Variants in BDP1 observed in about 807,000 individuals in gnomAD.
The protein encoded by BDP1 is BDP1 general transcription factor IIIB subunit, also known as transcription factor TFIIIB component B'' homolog.
A neutral mutation model predicts 266.6 loss-of-function variants in BDP1; 169 were observed. That is an observed-to-expected ratio of 0.63 (90% CI 0.56 to 0.72). BDP1 has a LOEUF of 0.72. Among genes scored for constraint, BDP1 ranks in the 30% least tolerant of loss-of-function variants. BDP1 has a pLI of 0.00. For missense variants in BDP1, 3,015 were observed against 3,053.8 expected, an observed-to-expected ratio of 0.99 and a Z score of 0.30; for synonymous variants, 1,090 against 1,022.4, an observed-to-expected ratio of 1.07 and a Z score of -1.26.
Position 71,509,602 on chromosome 5 carries a change from T to G in BDP1, c.2510T>G (p.Ile837Ser), listed in dbSNP as rs191127702. 2.6e-4 allele frequency: 420 copies of G among 1,613,906 alleles called. 3 individuals carry two copies. In the East Asian group the frequency reaches 4.1e-3, roughly 16 times the overall value. Residue 837 changes from isoleucine (I) to serine (S), a missense_variant, in exon 17 of 39, where the codon ATT (isoleucine) becomes AGT (serine). Transcript: ENST00000358731. ...TCAAAGGAAGAGGTACTAGAGAAGA[T>G]TCTTGTCTCTGGGGAAATGGCGGCA... is the stretch of plus-strand genomic sequence containing the variant. ...ISSKEEVLEK[I>S]LVSGEMAAAL...
rs1213678959 is a variant in BDP1, at chr5:71,537,168, AAAAAG to A, written c.5893-1871_5893-1867del. Among the ~76,000 whole-genome samples, 96 of 151,246 alleles carry A rather than the reference AAAAAG, an allele frequency of 6.3e-4. 1 individual carries two copies. In the South Asian group the frequency reaches 0.019, roughly 30 times the overall value. On this transcript the variant is annotated intron_variant, in intron 26 of 38. Transcript: ENST00000358731. Reference sequence around the variant, plus strand: ...AAAAACCAAAAAAAAAAAAAAAAAAAAAAAGAACCAGAACCAAACCATGGGAATAA... The same window carrying A: ...AAAAACCAAAAAAAAAAAAAAAAAAAAACCAGAACCAAACCATGGGAATAA...
intron 16 of BDP1, 80 bp from the exon 17 acceptor site, chr5:71,509,385 G>A: frequency 1.4e-6 from 2 of 1,421,202 alleles, no homozygotes; most frequent in Non-Finnish European, 1.9e-6. Context: ...TGGTGTTTCT[G>A]TAGTGATTTC....
At chr5:71,537,446 A>G (rs1456537238) in intron 26 of BDP1, among the ~76,000 whole-genome samples, 3 of 152,238 alleles carry the variant, frequency 2.0e-5, no homozygotes, top group Non-Finnish European at 4.4e-5. Flanking sequence ...TAGAGTTACT[A>G]AAAAACTTGC....
rs1321409626 is a variant in BDP1, at chr5:71,510,001, C to A, written c.2909C>A (p.Thr970Lys). ...AATGAGAGTTCCCCAAGGGAGAAGA[C>A]ACCAGAGGTGACTGATGCCACTGAG... ...TGNESSPREK[T>K]PEVTDATEEI... Residue 970 changes from threonine to lysine, a missense_variant, in exon 17 of 39, where the codon ACA becomes AAA. By Grantham distance (78) the Thr-to-Lys change is moderately conservative. Transcript: ENST00000358731. 2 of 1,613,896 alleles carry A rather than the reference C, an allele frequency of 1.2e-6. No individual in the cohort carries two copies. Among genetic ancestry groups the A allele is most frequent in the South Asian group, 2.2e-5 (2 of 91,066 alleles).
chr5:71,551,972 C>A (rs1266510670), intron 34 of BDP1, among the ~76,000 whole-genome samples: 1 of 149,742 alleles, frequency 6.7e-6, no homozygotes, highest in Non-Finnish European at 1.5e-5. Flanking sequence ...CACCTCCCTC[C>A]CGGACGGGGC....
rs143503378 is a variant in BDP1 at position 71,531,350 on chromosome 5, C to T, written c.5773-958C>T. The stretch of plus-strand genomic sequence containing the variant: ...ATACCTTTTTAGTGCTCAGATTACA[C>T]GGCTCTTTAAGTAATAGGACTCACA... On this transcript the variant is annotated intron_variant, in intron 25 of 38. Coordinates refer to ENST00000358731, the MANE Select transcript of BDP1 (RefSeq NM_018429.3). 2.1e-3 allele frequency among the ~76,000 whole-genome samples: 324 copies of T among 152,160 alleles called. 2 individuals carry two copies. Among genetic ancestry groups the T allele is most frequent in the African/African-American group, 7.3e-3 (303 of 41,528 alleles).
chr5:71,480,023 C>T (rs1463581064), intron 7 of BDP1, among the ~76,000 whole-genome samples: 1 of 152,024 alleles, frequency 6.6e-6, no homozygotes, highest in Non-Finnish European at 1.5e-5. Flanking sequence ...TGGCTCACTG[C>T]AACCTCCGCC....
At chr5:71,574,296 G>A in the BDP1 span, among the ~76,000 whole-genome samples, 4 of 152,168 alleles carry the variant, frequency 2.6e-5, no homozygotes, top group Admixed American at 6.5e-5. Context: ...CTTTGTCCTC[G>A]CTGTAACAAA....
chr5:71,576,775 C>A, the BDP1 span, among the ~76,000 whole-genome samples: 1 of 152,170 alleles, frequency 6.6e-6, no homozygotes, highest in Non-Finnish European at 1.5e-5. Context: ...CCCAGTCGGC[C>A]GCCCAGATTG....
rs768391429 is a variant in BDP1 at position 71,456,041 on chromosome 5, C to T, written c.164C>T (p.Thr55Ile). The T allele has an allele frequency of 7.4e-6, 12 of 1,613,386 alleles. No homozygotes were observed. Among genetic ancestry groups the T allele is most frequent in the African/African-American group, 2.7e-5 (2 of 74,936 alleles). ...SKPAEPTDVP[T>I]VDFGGAEPQE... ...CCCGCGGAGCCCACAGATGTGCCCA[C>T]AGTCGATTTCGGTGGAGCGGAGCCC... Residue 55 changes from threonine (T) to isoleucine (I), a missense_variant, in exon 1 of 39, where the codon ACA (threonine) becomes ATA (isoleucine). Around this residue, in one of 3 missense-constraint regions of BDP1, gnomAD observed 2,383 missense variants for 2,404.9 expected, o/e 0.99. Coordinates refer to ENST00000358731, the MANE Select transcript of BDP1 (RefSeq NM_018429.3).
At chr5:71,463,188 A>G (rs1262896591) in intron 3 of BDP1, among the ~76,000 whole-genome samples, 1 of 152,200 alleles carries the variant, frequency 6.6e-6, no homozygotes, top group African/African-American at 2.4e-5. Context: ...GAGTGATCCA[A>G]GTTTTATGCC....
intron 7 of BDP1, among the ~76,000 whole-genome samples, chr5:71,478,425 G>T (rs998564515): frequency 1.3e-5 from 2 of 152,092 alleles, no homozygotes. Context: ...CAAATGACAG[G>T]TCTACTGTTG....
intron 16 of BDP1, among the ~76,000 whole-genome samples, chr5:71,508,592 C>CT (rs577633483): frequency 2.6e-5 from 4 of 152,038 alleles, no homozygotes; most frequent in East Asian, 1.9e-4. Context: ...CTCAATACGT[C>CT]TTTTTTTAAG....
intron 8 of BDP1, among the ~76,000 whole-genome samples, chr5:71,485,147 A>T (rs1406879975): frequency 6.6e-6 from 1 of 152,234 alleles, no homozygotes; most frequent in Non-Finnish European, 1.5e-5. Context: ...AGATATTTTT[A>T]AAATTTATTG....
At chr5:71,508,490 A>G (rs764829328) in intron 16 of BDP1, among the ~76,000 whole-genome samples, 10 of 145,744 alleles carry the variant, frequency 6.9e-5, no homozygotes, top group Non-Finnish European at 1.1e-4. Flanking sequence ...TTTTTTGTAG[A>G]GATGGGATTT....
At chr5:71,570,816 C>G (rs1744241142), downstream of BDP1, among the ~76,000 whole-genome samples, 4 of 152,172 alleles carry the variant, frequency 2.6e-5, no homozygotes, top group African/African-American at 9.7e-5. Flanking sequence ...GCTGATGCTT[C>G]TGTTACCAAG....
Position 71,489,625 on chromosome 5 carries a change from A to G in BDP1, c.1435A>G (p.Asn479Asp), listed in dbSNP as rs371966008. ...QDGANELGVN[N>D]LLENATVQAG... The stretch of plus-strand genomic sequence containing the variant: ...TGGAGCTAATGAACTGGGAGTAAAC[A>G]ATCTTTTAGAAAATGCCACTGTTCA... Residue 479 changes from asparagine (N) to aspartate (D), a missense_variant, in exon 10 of 39, where the codon AAT (asparagine) becomes GAT (aspartate). Transcript: ENST00000358731. The G allele has an allele frequency of 2.6e-5, 42 of 1,614,008 alleles. No homozygotes were observed. The African/African-American group carries it at 5.2e-4, about 20-fold the overall frequency.
At chr5:71,549,922 T>C (rs771438009) in intron 34 of BDP1, among the ~76,000 whole-genome samples, 1 of 152,262 alleles carries the variant, frequency 6.6e-6, no homozygotes, top group African/African-American at 2.4e-5. Context: ...CATACACATA[T>C]GAAACTGTGA....
Position 71,502,720 on chromosome 5 carries a change from A to G in BDP1, c.2170A>G (p.Ile724Val). 6.2e-6 allele frequency: 10 copies of G among 1,614,056 alleles called. No individual in the cohort carries two copies. Among genetic ancestry groups the G allele is most frequent in the Non-Finnish European group, 8.5e-6 (10 of 1,179,988 alleles). ...NAGKAAERKE[I>V]LISQEEIGAN... Reference sequence around the variant, plus strand: ...AGGTAAAGCTGCTGAAAGAAAAGAAATTCTCATATCACAGGAAGAAATTGG... The same window carrying G: ...AGGTAAAGCTGCTGAAAGAAAAGAAGTTCTCATATCACAGGAAGAAATTGG... The change falls in exon 15 of 39, where the codon ATT becomes GTT. Residue 724 changes from isoleucine (I) to valine (V), a missense_variant. This residue lies in a region of BDP1 where 2,383 missense variants were observed against 2,404.9 expected (regional missense o/e 0.99). Transcript: ENST00000358731.
Sources: allele counts gnomAD v4.1 joint callset (sites outside exome capture counted in the v4.1 genomes callset), GRCh38; gene constraint gnomAD v4.1.1; regional missense constraint gnomAD v4.1.1; transcripts MANE v1.5; gene names NCBI Gene and HGNC (gene_info 2026-07-23, HGNC 2026-07-21).